The following NFE2L1 variants were observed in gnomAD, a reference collection of about 807,000 sequenced individuals.
NFE2L1 encodes NFE2 like bZIP transcription factor 1, also known as endoplasmic reticulum membrane sensor NFE2L1.
A neutral mutation model predicts 61.6 loss-of-function variants in NFE2L1; 18 were observed. That is an observed-to-expected ratio of 0.29 (90% CI 0.20 to 0.43). The LOEUF (loss-of-function observed/expected upper bound fraction) is 0.43, where lower values mean the gene tolerates loss of function less well. Ranked by LOEUF, NFE2L1 falls within the 20% of genes least tolerant of loss-of-function variation. The pLI is 1.00. For missense variants in NFE2L1, 827 were observed against 973.5 expected (o/e 0.85, Z 2.00); for synonymous variants, 419 against 402.7 (o/e 1.04, Z -0.48).
intron 5 of NFE2L1, 55 bp from the exon 6 acceptor site, chr17:48,058,240 C>T (rs1055310669): frequency 6.6e-7 from 1 of 1,519,066 alleles, no homozygotes; most frequent in Admixed American, 2.2e-5. Context: ...AGTGTGTGAG[C>T]CCCAGGGGAG....
intron 1 of NFE2L1, among the ~76,000 whole-genome samples, chr17:48,050,111 A>C (rs1265582801): frequency 6.6e-6 from 1 of 152,234 alleles, no homozygotes; most frequent in African/African-American, 2.4e-5. Context: ...GCTTTCTTTG[A>C]TAGTTCTTCT....
intron 2 of NFE2L1, among the ~76,000 whole-genome samples, chr17:48,052,291 C>T (rs1021722917): frequency 6.6e-6 from 1 of 152,210 alleles, no homozygotes; most frequent in African/African-American, 2.4e-5. Context: ...GCTCTTGTCA[C>T]ATGGCTGACA....
rs765864882 is a variant in NFE2L1, at chr17:48,051,680, G to T, written c.510+52G>T. 9 of 1,558,624 alleles carry T rather than the reference G, an allele frequency of 5.8e-6. No homozygotes were observed. The South Asian group carries it at 1.1e-4, about 19-fold the overall frequency. On this transcript the variant is annotated intron_variant, in intron 2 of 5. Coordinates refer to ENST00000362042, the MANE Select transcript of NFE2L1 (RefSeq NM_003204.3). The stretch of plus-strand genomic sequence containing the variant: ...GGGCCTGGGGCTTGGGGGTGGGCTG[G>T]TCCCAAAGGATTGTGGTCAGAACAC...
rs750891053 is a variant in NFE2L1 at position 48,059,469 on chromosome 17, G to T, written c.2147G>T (p.Ser716Ile). ...SLRQMKQKVQ[S>I]LYQEVFGRLR... Reference sequence around the variant, plus strand: ...CGACAGATGAAGCAGAAGGTCCAGAGCCTGTACCAGGAGGTGTTTGGGCGG... The same window carrying T: ...CGACAGATGAAGCAGAAGGTCCAGATCCTGTACCAGGAGGTGTTTGGGCGG... The change falls in exon 6 of 6, where the codon AGC (serine) becomes ATC (isoleucine). Residue 716 changes from serine to isoleucine, a missense_variant. Physicochemically the swap from Ser to Ile is moderately radical, Grantham distance 142. Transcript: ENST00000362042. This position sits in a 1 kb window ranked among gnomAD's most constrained non-coding sequence, Gnocchi z 6.1. 1 of 1,614,064 alleles carries T rather than the reference G, an allele frequency of 6.2e-7. No homozygotes were observed. Among genetic ancestry groups the T allele is most frequent in the Non-Finnish European group, 8.5e-7 (1 of 1,180,014 alleles).
chr17:48,055,062 C>G (rs72823599), intron 2 of NFE2L1: 276,482 of 1,499,718 alleles, frequency 0.18, 28,268 homozygotes, highest in Non-Finnish European at 0.21. Context: ...GGGGGCCATG[C>G]CAAAGGCAGC....
rs765973521 is a variant in NFE2L1 at position 48,059,140 on chromosome 17, C to T, written c.1818C>T (p.Phe606=). 1 of 1,614,038 alleles carries T rather than the reference C, an allele frequency of 6.2e-7. No individual in the cohort carries two copies. The highest frequency in any genetic ancestry group is 8.5e-7 in the Non-Finnish European group (1 of 1,180,024). The change falls in exon 6 of 6, where the codon TTC becomes TTT. Residue 606 remains phenylalanine (F), a synonymous_variant. Transcript: ENST00000362042. This position sits in a 1 kb window ranked among gnomAD's most constrained non-coding sequence, Gnocchi z 6.1. ...KKGSKEKQAD[F]LDKQMSRDEH... ...GCAGCAAGGAGAAGCAGGCTGACTTCCTGGACAAGCAGATGAGCCGGGATG... is the reference window on the plus strand; with the variant it reads ...GCAGCAAGGAGAAGCAGGCTGACTTTCTGGACAAGCAGATGAGCCGGGATG...
At position 48,058,338 on chromosome 17, in the gene NFE2L1, C is replaced by A; in HGVS notation, c.1016C>A (p.Ala339Asp). 1 of 1,611,416 alleles carries A rather than the reference C, an allele frequency of 6.2e-7. No individual in the cohort carries two copies. Among genetic ancestry groups the A allele is most frequent in the South Asian group, 1.1e-5 (1 of 90,658 alleles). Residue 339 changes from alanine to aspartate, a missense_variant, in exon 6 of 6, where the codon GCC becomes GAC. Physicochemically the swap from Ala to Asp is moderately radical, Grantham distance 126. Coordinates refer to ENST00000362042, the MANE Select transcript of NFE2L1 (RefSeq NM_003204.3). The part of the protein sequence containing the change: ...NTSASEILYS[A>D]PPGDPLSTNY... ...TCAGCAAGTGAAATCCTGTACAGTG[C>A]CCCTCCTGGAGACCCACTGAGCACC...
intron 2 of NFE2L1, chr17:48,055,114 G>C (rs1276097167): frequency 7.0e-7 from 1 of 1,433,186 alleles, no homozygotes; most frequent in South Asian, 1.4e-5. Context: ...GGGTGGCCCA[G>C]CCCGCCTCTG....
rs2037147043 is a variant in NFE2L1 at position 48,048,432 on chromosome 17, G to C, written c.-543G>C. 6.6e-6 allele frequency: 1 copy of C among 152,666 alleles called. No homozygotes were observed. The highest frequency in any genetic ancestry group is 6.5e-5 in the Admixed American group (1 of 15,292). 9.5% of individuals were successfully genotyped at this position (152,666 alleles called of 1,614,324 possible). The stretch of plus-strand genomic sequence containing the variant: ...CCGGGACTCGGGCTTAGGGCCTGCT[G>C]TGGAGGCAGCGGCGGACGCCGAGCT... On this transcript the variant is annotated 5_prime_UTR_variant, in exon 1 of 6. Transcript: ENST00000362042.
chr17:48,057,270 C>T, intron 4 of NFE2L1, 74 bp from the exon 5 acceptor site: 2 of 1,596,396 alleles, frequency 1.3e-6, no homozygotes, highest in South Asian at 2.2e-5. Context: ...GAAACAGGTC[C>T]AGGTGGTAAT....
In NFE2L1 at chr17:48,059,497, G is replaced by T; in HGVS notation, c.2175G>T (p.Leu725=). The T allele has an allele frequency of 6.2e-7, 1 of 1,614,102 alleles. No homozygotes were observed. Residue 725 remains leucine, a synonymous_variant, in exon 6 of 6, where the codon CTG becomes CTT. Coordinates refer to ENST00000362042, the MANE Select transcript of NFE2L1 (RefSeq NM_003204.3). The surrounding 1 kb of genome is among the most constrained non-coding windows in gnomAD (Gnocchi z 6.1). ...TGTACCAGGAGGTGTTTGGGCGGCT[G>T]CGAGATGAGAACGGACGACCCTACT... ...QSLYQEVFGR[L]RDENGRPYSP... is the part of the protein sequence containing the mutation.
At position 48,050,812 on chromosome 17, in the gene NFE2L1, T is replaced by C. The variant is rs766868787; in HGVS notation, c.-307T>C. 3.1e-5 allele frequency: 18 copies of C among 589,662 alleles called. No individual in the cohort carries two copies. The highest frequency in any genetic ancestry group is 5.1e-5 in the Non-Finnish European group (17 of 331,694). The allele number at this position is 589,662 out of a possible 1,614,324, so 36.5% of individuals were successfully genotyped here. ...TGAGGAAGTGACTGTATGTGGACTG[T>C]GGAGAAAGTAAGTCACGTGGGCCCT... On this transcript the variant is annotated 5_prime_UTR_variant, in exon 2 of 6. Transcript: ENST00000362042.
At position 48,048,364 on chromosome 17, in the gene NFE2L1, G is replaced by A. The variant is rs897093700; in HGVS notation, c.-611G>A. Reference sequence around the variant, plus strand: ...GCAGGAGGGGGCGGGGAGGTAAGCGGAGGCTCCGAGCTCTAGGCCGGCCGG... The same window carrying A: ...GCAGGAGGGGGCGGGGAGGTAAGCGAAGGCTCCGAGCTCTAGGCCGGCCGG... On this transcript the variant is annotated 5_prime_UTR_variant, in exon 1 of 6. Transcript: ENST00000362042. 6.5e-6 allele frequency: 1 copy of A among 152,714 alleles called. No homozygotes were observed. The highest frequency in any genetic ancestry group is 1.5e-5 in the Non-Finnish European group (1 of 68,420). The allele number at this position is 152,714 out of a possible 1,614,324, so 9.5% of individuals were successfully genotyped here. A position where few individuals can be genotyped will look rare whatever the true frequency, so the allele number is the denominator to read the frequency against.
chr17:48,055,117 C>T (rs756173789), intron 2 of NFE2L1: 29 of 1,429,722 alleles, frequency 2.0e-5, no homozygotes, highest in South Asian at 1.5e-4. Flanking sequence ...TGGCCCAGCC[C>T]GCCTCTGCTC....
chr17:48,056,262 G>T (rs528960203), intron 2 of NFE2L1, 124 bp from the exon 3 acceptor site: 2 of 951,014 alleles, frequency 2.1e-6, no homozygotes, highest in African/African-American at 3.2e-5. Flanking sequence ...AGGCTGGCAG[G>T]TGAAGAGCTG....
chr17:48,058,675 C>A lies in NFE2L1; in HGVS notation c.1353C>A (p.Ser451Arg). 4 of 1,614,190 alleles carry A rather than the reference C, an allele frequency of 2.5e-6. No homozygotes were observed. The highest frequency in any genetic ancestry group is 3.4e-6 in the Non-Finnish European group (4 of 1,180,038). The part of the protein sequence containing the change: ...LLDEAMLDEI[S>R]LMDLAIEEGF... ...ATGAAGCTATGTTGGATGAGATCAG[C>A]CTTATGGACCTGGCCATTGAAGAAG... Residue 451 changes from serine to arginine, a missense_variant, in exon 6 of 6, where the codon AGC (serine) becomes AGA (arginine). By Grantham distance (110) the Ser-to-Arg change is moderately radical. Transcript: ENST00000362042.
intron 2 of NFE2L1, among the ~76,000 whole-genome samples, chr17:48,053,441 A>G (rs1452061955): frequency 6.6e-6 from 1 of 152,184 alleles, no homozygotes; most frequent in Non-Finnish European, 1.5e-5. Flanking sequence ...AAAAATACCC[A>G]GGTCCAGAGC....
At position 48,061,488 on chromosome 17, in the gene NFE2L1, G is replaced by C. The variant is rs1305626637; in HGVS notation, c.*1847G>C. The C allele has an allele frequency of 6.6e-6, 1 of 152,194 alleles. No individual in the cohort carries two copies. The highest frequency in any genetic ancestry group is 2.4e-5 in the African/African-American group (1 of 41,448). 9.4% of individuals were successfully genotyped at this position (152,194 alleles called of 1,614,324 possible). On this transcript the variant is annotated 3_prime_UTR_variant, in exon 6 of 6. Coordinates refer to ENST00000362042, the MANE Select transcript of NFE2L1 (RefSeq NM_003204.3). ...AATAAAATGGATGATTCATTCTTAA[G>C]TGCACTTTTTCCCCACTTTGAATTT...
intron 2 of NFE2L1, chr17:48,054,694 G>A (rs1298371909): frequency 4.6e-6 from 6 of 1,291,650 alleles, no homozygotes; most frequent in African/African-American, 4.6e-5. Context: ...CCAGGAGGGA[G>A]CTTGCTTTCC....
Sources: allele counts gnomAD v4.1 joint callset (sites outside exome capture counted in the v4.1 genomes callset), GRCh38; gene constraint gnomAD v4.1.1; non-coding constraint Gnocchi (gnomAD v3.1); transcripts MANE v1.5; gene names NCBI Gene and HGNC (gene_info 2026-07-23, HGNC 2026-07-21).